RBFOX1: variants seen among roughly 807,000 people sequenced by gnomAD.
RBFOX1 encodes the protein RNA binding fox-1 homolog 1.
RBFOX1 carries 8 observed loss-of-function variants against 57.7 expected under a neutral mutation model. That is an observed-to-expected ratio of 0.14 (90% CI 0.08 to 0.25). The LOEUF is 0.25. Among genes scored for constraint, RBFOX1 ranks in the 10% least tolerant of loss-of-function variants. The pLI, the probability that RBFOX1 is intolerant of heterozygous loss-of-function variation, is 1.00. For missense variants in RBFOX1, 611 were observed against 548.5 expected (o/e 1.11, Z -1.14); for synonymous variants, 326 against 222.4 (o/e 1.47, Z -4.15).
intron 4 of RBFOX1, among the ~76,000 whole-genome samples, chr16:7,225,194 G>A (rs988196839): frequency 2.0e-5 from 3 of 152,136 alleles, no homozygotes; most frequent in African/African-American, 7.2e-5. Flanking sequence ...TAGTTTGTAA[G>A]TGCACGTGAT....
chr16:5,808,728 A>G (rs936389871), intron 3 of RBFOX1, among the ~76,000 whole-genome samples: 6 of 152,020 alleles, frequency 3.9e-5, no homozygotes, highest in Admixed American at 3.9e-4. Context: ...TTTGTCTGTT[A>G]TTGGTGTATA....
In RBFOX1 at chr16:6,537,969, G is replaced by C. The variant is rs1211890880; in HGVS notation, c.-63-116634G>C. ...AAAAGGATATCCTAGGAACTCTACA[G>C]TGATTTGCAGATTAATTCTATCTTT... On this transcript the variant is annotated intron_variant, in intron 2 of 15. Coordinates refer to ENST00000550418, the MANE Select transcript of RBFOX1 (RefSeq NM_018723.4). Among the ~76,000 whole-genome samples, 4 of 151,740 alleles carry C rather than the reference G, an allele frequency of 2.6e-5. No individual in the cohort carries two copies. In the East Asian group the frequency reaches 7.7e-4, roughly 29 times the overall value.
intron 3 of RBFOX1, among the ~76,000 whole-genome samples, chr16:6,992,501 A>T (rs1410940443): frequency 6.6e-6 from 1 of 152,114 alleles, no homozygotes; most frequent in Non-Finnish European, 1.5e-5. Context: ...GGCGTGAGCT[A>T]CTGCATCCAG....
chr16:6,304,147 G>A (rs1194119638), intron 1 of RBFOX1, among the ~76,000 whole-genome samples: 1 of 151,724 alleles, frequency 6.6e-6, no homozygotes, highest in Non-Finnish European at 1.5e-5. Context: ...AATTACCCAG[G>A]CGTGGTGGCA....
rs796982143 is a variant in RBFOX1, at chr16:5,615,178, G to T, written c.318+16217G>T. Among the ~76,000 whole-genome samples, 5 of 152,156 alleles carry T rather than the reference G, an allele frequency of 3.3e-5. No homozygotes were observed. The South Asian group carries it at 8.3e-4, about 25-fold the overall frequency. On this transcript the variant is annotated intron_variant, in intron 3 of 19. Transcript: ENST00000641259. ...GCCTCCCAAGTAGCTGGAACTACAG[G>T]TGCATGCTCCCACATCTGGCTATCT...
At chr16:6,184,741 G>A (rs953624460) in intron 1 of RBFOX1, among the ~76,000 whole-genome samples, 2 of 130,206 alleles carry the variant, frequency 1.5e-5, no homozygotes, top group Non-Finnish European at 3.3e-5. Flanking sequence ...TTTTTTTTTT[G>A]TATTTTTAGT....
intron 4 of RBFOX1, among the ~76,000 whole-genome samples, chr16:7,257,068 G>A (rs2094718132): frequency 1.3e-5 from 2 of 152,122 alleles, no homozygotes; most frequent in Admixed American, 6.5e-5. Context: ...CATTTCCCGT[G>A]TGTGTCTAGA....
intron 5 of RBFOX1, among the ~76,000 whole-genome samples, chr16:7,572,843 GAATA>G (rs57189251): frequency 6.8e-6 from 1 of 146,664 alleles, no homozygotes; most frequent in Non-Finnish European, 1.5e-5. Flanking sequence ...TCTCTCAAAT[GAATA>G]AATAAATAAA....
At chr16:7,200,420 C>G (rs1185664153) in intron 4 of RBFOX1, among the ~76,000 whole-genome samples, 1 of 152,232 alleles carries the variant, frequency 6.6e-6, no homozygotes, top group Non-Finnish European at 1.5e-5. Context: ...ACTGTGCTCT[C>G]TCCATATTCA....
intron 1 of RBFOX1, among the ~76,000 whole-genome samples, chr16:6,082,978 C>A (rs1281265530): frequency 6.7e-6 from 1 of 148,658 alleles, no homozygotes; most frequent in Non-Finnish European, 1.5e-5. Flanking sequence ...ACTGATCCAT[C>A]AGCAAATTTT....
chr16:6,331,816 C>T, intron 2 of RBFOX1, among the ~76,000 whole-genome samples: 1 of 151,366 alleles, frequency 6.6e-6, no homozygotes, highest in Middle Eastern at 3.2e-3. Flanking sequence ...TGGAAATGTA[C>T]AAATAGTTTC....
intron 4 of RBFOX1, among the ~76,000 whole-genome samples, chr16:7,456,163 G>A (rs1031831524): frequency 6.6e-6 from 1 of 152,110 alleles, no homozygotes; most frequent in African/African-American, 2.4e-5. Flanking sequence ...CTGATTAAGG[G>A]GCAGGGCAGG....
chr16:7,448,119 A>G (rs1423555788), intron 4 of RBFOX1, among the ~76,000 whole-genome samples: 1 of 152,246 alleles, frequency 6.6e-6, no homozygotes, highest in Non-Finnish European at 1.5e-5. Flanking sequence ...GACTCAAAGG[A>G]TGAATGGCAG....
intron 4 of RBFOX1, among the ~76,000 whole-genome samples, chr16:5,919,838 A>T (rs1053751714): frequency 2.0e-5 from 3 of 152,070 alleles, no homozygotes; most frequent in Non-Finnish European, 4.4e-5. Context: ...TTTGCTGGGT[A>T]TTTCCTATAC....
chr16:5,259,854 G>A (rs1356367663), intron 1 of RBFOX1, among the ~76,000 whole-genome samples: 4 of 152,100 alleles, frequency 2.6e-5, no homozygotes, highest in African/African-American at 4.8e-5. Flanking sequence ...TTAACACCAC[G>A]TGGGGGCCAT....
chr16:5,588,060 C>G (rs2046890806), intron 2 of RBFOX1, among the ~76,000 whole-genome samples: 1 of 152,212 alleles, frequency 6.6e-6, no homozygotes. Context: ...CCTGCTGTAA[C>G]TTGTTTGAAC....
intron 4 of RBFOX1, among the ~76,000 whole-genome samples, chr16:5,948,451 C>G: frequency 6.6e-6 from 1 of 152,126 alleles, no homozygotes; most frequent in East Asian, 1.9e-4. Context: ...TACCTGGAAC[C>G]TCAGAATGTG....
At chr16:6,201,010 G>A (rs554966963) in intron 1 of RBFOX1, among the ~76,000 whole-genome samples, 4 of 150,562 alleles carry the variant, frequency 2.7e-5, no homozygotes, top group African/African-American at 4.9e-5. Context: ...TGCTCAAATC[G>A]TTCCCTAGTT....
rs115463829 is a variant in RBFOX1 at position 5,992,316 on chromosome 16, T to C, written c.351+124981T>C. 7.0e-3 allele frequency among the ~76,000 whole-genome samples: 1,059 copies of C among 152,298 alleles called. 14 individuals carry two copies. The highest frequency in any genetic ancestry group is 0.023 in the African/African-American group (967 of 41,544). ...ATAGATAGGGAAAAAAAGGTTAACA[T>C]TGCTTAGGCAACTCTGTTCAGCAAA... is the stretch of plus-strand genomic sequence containing the variant. On this transcript the variant is annotated intron_variant, in intron 4 of 19. Coordinates refer to the RBFOX1 transcript ENST00000641259.
Sources: gnomAD v4.1 joint callset for allele counts (sites outside exome capture counted in the v4.1 genomes callset) on GRCh38, gnomAD v4.1.1 for gene constraint, MANE v1.5 for transcripts, NCBI Gene and HGNC (gene_info 2026-07-23, HGNC 2026-07-21) for gene names.